PCDH7: variants seen among roughly 807,000 people sequenced by gnomAD.
PCDH7 encodes the protein protocadherin-7.
In PCDH7, 17 loss-of-function variants were observed where a neutral mutation model predicts 58.9. The ratio of observed to expected loss-of-function variants is 0.29; its 90% confidence interval spans 0.20 to 0.43. The LOEUF (loss-of-function observed/expected upper bound fraction) is 0.43. Among genes scored for constraint, PCDH7 ranks in the 20% least tolerant of loss-of-function variants. The pLI is 1.00. For missense variants in PCDH7, 1,274 were observed against 1,441.0 expected (o/e 0.88, Z 1.88); for synonymous variants, 664 against 616.4 (o/e 1.08, Z -1.14).
intron 1 of PCDH7, among the ~76,000 whole-genome samples, chr4:30,845,640 C>T (rs531206732): frequency 6.6e-6 from 1 of 152,208 alleles, no homozygotes; most frequent in South Asian, 2.1e-4. Context: ...TTCTGTCATC[C>T]AGGCTGGAGT....
chr4:31,053,516 CTTAAGGCTAGGAG>C (rs1756919944), intron 3 of PCDH7, among the ~76,000 whole-genome samples: 1 of 152,108 alleles, frequency 6.6e-6, no homozygotes, highest in Non-Finnish European at 1.5e-5. Context: ...GGGAGGATCA[CTTAAGGCTAGGAG>C]TTGGAAATCA....
chr4:30,782,922 T>C (rs975221618), intron 1 of PCDH7, among the ~76,000 whole-genome samples: 1 of 152,088 alleles, frequency 6.6e-6, no homozygotes, highest in African/African-American at 2.4e-5. Context: ...AAGGTGAGAG[T>C]TGGCTTTCCT....
intron 2 of PCDH7, among the ~76,000 whole-genome samples, chr4:30,923,590 C>T (rs936576668): frequency 1.3e-5 from 2 of 152,016 alleles, no homozygotes; most frequent in African/African-American, 2.4e-5. Context: ...TTCTTACCAC[C>T]GGAATCTAAT....
intron 3 of PCDH7, among the ~76,000 whole-genome samples, chr4:31,022,553 G>C (rs1296574023): frequency 1.3e-5 from 2 of 152,106 alleles, no homozygotes; most frequent in African/African-American, 2.4e-5. Flanking sequence ...CGTACTCTTG[G>C]ATCAGAGATA....
chr4:30,974,390 TTC>T (rs1491037721), intron 3 of PCDH7, among the ~76,000 whole-genome samples: 4 of 151,992 alleles, frequency 2.6e-5, no homozygotes, highest in African/African-American at 4.8e-5. Flanking sequence ...AGGTTTTTTT[TTC>T]TCTCTCTTTT....
intron 1 of PCDH7, among the ~76,000 whole-genome samples, chr4:30,804,822 A>G (rs933730817): frequency 5.3e-5 from 8 of 152,208 alleles, no homozygotes; most frequent in Admixed American, 1.3e-4. Context: ...TGACTTAGCT[A>G]CCACCTCCAG....
At position 30,721,564 on chromosome 4, in the gene PCDH7, A is replaced by C. The variant is rs557016327; in HGVS notation, c.142A>C (p.Ile48Leu). The change falls in exon 1 of 2, where the codon ATC (isoleucine) becomes CTC (leucine). Residue 48 changes from isoleucine to leucine, a missense_variant. By Grantham distance (5) the Ile-to-Leu change is conservative (BLOSUM62 2). This residue lies in a region of PCDH7 where 212 missense variants were observed against 255.8 expected (regional missense o/e 0.83). Coordinates refer to ENST00000361762, the Ensembl canonical transcript of PCDH7. This position sits in a 1 kb window ranked among gnomAD's most constrained non-coding sequence, Gnocchi z 6.7. ...CGAGGAGGGCCCCGCCGACGTCCGC[A>C]TCGGCAACGTGGCTTCAGACCTGGG... 3 of 1,606,330 alleles carry C rather than the reference A, an allele frequency of 1.9e-6. No homozygotes were observed. Among genetic ancestry groups the C allele is most frequent in the East Asian group, 2.2e-5 (1 of 44,830 alleles).
intron 1 of PCDH7, among the ~76,000 whole-genome samples, chr4:30,897,233 G>A (rs1284719942): frequency 2.0e-5 from 3 of 151,996 alleles, no homozygotes; most frequent in Admixed American, 6.6e-5. Context: ...ACACTAAATT[G>A]CTTCACAAAC....
At chr4:30,779,217 G>A (rs1014506864) in intron 1 of PCDH7, among the ~76,000 whole-genome samples, 1 of 151,682 alleles carries the variant, frequency 6.6e-6, no homozygotes, top group African/African-American at 2.4e-5. Flanking sequence ...TAGAGACGGG[G>A]TTTTGCCATG....
chr4:30,981,456 T>C (rs1380475648), intron 3 of PCDH7, among the ~76,000 whole-genome samples: 1 of 152,206 alleles, frequency 6.6e-6, no homozygotes, highest in Non-Finnish European at 1.5e-5. Flanking sequence ...ACATGAAGCT[T>C]TGAGCTGCAT....
In PCDH7 at chr4:30,722,970, G is replaced by C. The variant is rs201283398; in HGVS notation, c.1548G>C (p.Ser516=). ...TGGACTCAGGCAGCCCCAGCCTCTC[G>C]AGCAACAACTCCCTGATTGTCAAGG... is the stretch of plus-strand genomic sequence containing the variant. Residue 516 remains serine, a synonymous_variant, in exon 1 of 2, where the codon TCG becomes TCC. Coordinates refer to ENST00000361762, the Ensembl canonical transcript of PCDH7. The surrounding 1 kb of genome is among the most constrained non-coding windows in gnomAD (Gnocchi z 7.6). 3 of 1,613,682 alleles carry C rather than the reference G, an allele frequency of 1.9e-6. No homozygotes were observed. The highest frequency in any genetic ancestry group is 4.5e-5 in the East Asian group (2 of 44,872).
intron 3 of PCDH7, among the ~76,000 whole-genome samples, chr4:31,135,425 G>A (rs968375221): frequency 2.0e-5 from 3 of 152,156 alleles, no homozygotes; most frequent in Non-Finnish European, 4.4e-5. Flanking sequence ...AGTAGTAGGA[G>A]GATGCCTAAT....
intron 1 of PCDH7, among the ~76,000 whole-genome samples, chr4:30,759,173 C>G (rs1020684039): frequency 6.6e-6 from 1 of 152,036 alleles, no homozygotes; most frequent in Non-Finnish European, 1.5e-5. Flanking sequence ...AACTCCTGAC[C>G]TCAGGCCATC....
chr4:31,123,266 G>C lies in PCDH7; in HGVS notation c.*8-19207G>C, dbSNP rs1361440381. Among the ~76,000 whole-genome samples, 6 of 152,166 alleles carry C rather than the reference G, an allele frequency of 3.9e-5. No homozygotes were observed. In the East Asian group the frequency reaches 1.2e-3, roughly 29 times the overall value. On this transcript the variant is annotated intron_variant, in intron 3 of 3. Transcript: ENST00000509759. ...TTTTTGCCAGGAAAGAGGGTATTAA[G>C]TAAAAATATATAATTAAGAATCAAT...
At chr4:30,757,592 T>C (rs763537881) in intron 1 of PCDH7, among the ~76,000 whole-genome samples, 1 of 152,148 alleles carries the variant, frequency 6.6e-6, no homozygotes, top group African/African-American at 2.4e-5. Flanking sequence ...TCTCCATTTC[T>C]CAGAAACACA....
At chr4:31,057,379 A>C (rs1757344420) in intron 3 of PCDH7, among the ~76,000 whole-genome samples, 1 of 152,164 alleles carries the variant, frequency 6.6e-6, no homozygotes, top group Admixed American at 6.6e-5. Context: ...TTTCAACAGT[A>C]GTGATGCAGA....
chr4:30,830,796 C>A (rs1407627677), intron 1 of PCDH7, among the ~76,000 whole-genome samples: 2 of 152,046 alleles, frequency 1.3e-5, no homozygotes, highest in African/African-American at 4.8e-5. Flanking sequence ...TGTATTTGAT[C>A]TCATTATTCC....
At chr4:30,917,449 A>T (rs1742620415) in intron 1 of PCDH7, among the ~76,000 whole-genome samples, 1 of 152,108 alleles carries the variant, frequency 6.6e-6, no homozygotes. Context: ...TTAAAATATG[A>T]ATAAAAATGA....
chr4:30,751,128 C>T (rs1299507712), intron 1 of PCDH7, among the ~76,000 whole-genome samples: 1 of 152,162 alleles, frequency 6.6e-6, no homozygotes, highest in African/African-American at 2.4e-5. Flanking sequence ...GAGAATCGTG[C>T]ACAGGTGATT....
Sources: gnomAD v4.1 joint callset for allele counts (sites outside exome capture counted in the v4.1 genomes callset) on GRCh38, gnomAD v4.1.1 for gene constraint, gnomAD v4.1.1 regional missense constraint, Gnocchi (gnomAD v3.1) non-coding constraint, MANE v1.5 for transcripts, NCBI Gene and HGNC (gene_info 2026-07-23, HGNC 2026-07-21) for gene names.